Variants in NUP188 observed in about 807,000 individuals in gnomAD.
NUP188 encodes nucleoporin 188.
A neutral mutation model predicts 223.0 loss-of-function variants in NUP188; 97 were observed. The observed-to-expected ratio is 0.43, with a 90% CI of 0.37 to 0.51. The LOEUF is 0.51. Among genes scored for constraint, NUP188 ranks in the 20% least tolerant of loss-of-function variants. The pLI is 0.00. For missense variants in NUP188, 1,947 were observed against 2,175.6 expected, an observed-to-expected ratio of 0.89 and a Z score of 2.09; for synonymous variants, 869 against 828.0, an observed-to-expected ratio of 1.05 and a Z score of -0.85.
rs745541150 is a variant in NUP188, at chr9:129,003,305, C to T, written c.4297-12C>T. On this transcript the variant is annotated splice_polypyrimidine_tract_variant and intron_variant, in intron 37 of 43. Transcript: ENST00000372577. ...CATCCCCATCTTTCCCTGATGTGTGCTTTCCTCCCAGTGCCTCAACGCAGT... is the reference window on the plus strand; with the variant it reads ...CATCCCCATCTTTCCCTGATGTGTGTTTTCCTCCCAGTGCCTCAACGCAGT... 5.6e-6 allele frequency: 9 copies of T among 1,598,382 alleles called. No homozygotes were observed. In the South Asian group the frequency reaches 9.0e-5, roughly 16 times the overall value.
intron 41 of NUP188, 86 bp downstream of exon 41, chr9:129,005,862 C>A (rs1842785372): frequency 6.6e-7 from 1 of 1,510,758 alleles, no homozygotes; most frequent in Admixed American, 2.0e-5. Context: ...GCATGTTGGG[C>A]ATGGTACCTA....
At position 129,003,309 on chromosome 9, in the gene NUP188, C is replaced by T; in HGVS notation, c.4297-8C>T. 2.5e-6 allele frequency: 4 copies of T among 1,598,744 alleles called. No homozygotes were observed. The highest frequency in any genetic ancestry group is 1.1e-5 in the South Asian group (1 of 88,942). ...CCCATCTTTCCCTGATGTGTGCTTTCCTCCCAGTGCCTCAACGCAGTGAGG... is the reference window on the plus strand; with the variant it reads ...CCCATCTTTCCCTGATGTGTGCTTTTCTCCCAGTGCCTCAACGCAGTGAGG... On this transcript the variant is annotated splice_polypyrimidine_tract_variant and splice_region_variant and intron_variant, in intron 37 of 43. Coordinates refer to ENST00000372577, the MANE Select transcript of NUP188 (RefSeq NM_015354.3).
intron 27 of NUP188, 63 bp from the exon 28 acceptor site, chr9:128,994,310 G>A: frequency 9.0e-7 from 1 of 1,113,718 alleles, no homozygotes; most frequent in Admixed American, 1.7e-5. Context: ...GGGAGCTTGA[G>A]AGAGGAGAAA....
At chr9:128,971,029 T>C (rs191664889) in intron 11 of NUP188, 71 bp downstream of exon 11, 30 of 1,201,896 alleles carry the variant, frequency 2.5e-5, no homozygotes, top group African/African-American at 1.9e-4. Flanking sequence ...GTAATAGTTA[T>C]AATGGTGGTG....
chr9:128,982,030 T>TCG (rs2131166161), intron 15 of NUP188, among the ~76,000 whole-genome samples: 1 of 151,534 alleles, frequency 6.6e-6, no homozygotes, highest in African/African-American at 2.4e-5. Flanking sequence ...TGAGTTGAGA[T>TCG]CGCGCCATTG....
chr9:129,003,118 C>A, intron 37 of NUP188, 143 bp downstream of exon 37: 1 of 1,120,332 alleles, frequency 8.9e-7, no homozygotes, highest in Non-Finnish European at 1.3e-6. Context: ...TCTAAGTACT[C>A]TGCTGGCTCA....
In NUP188 at chr9:128,990,489, AG is replaced by A. The variant is rs1225187301; in HGVS notation, c.2640+265del. ...ATGCCTGTAATTCCAGCACTTTGGG[AG>A]GCTGAGGTGGGTAGATCACAAGGTC... On this transcript the variant is annotated intron_variant, in intron 25 of 43. Coordinates refer to ENST00000372577, the MANE Select transcript of NUP188 (RefSeq NM_015354.3). Among the ~76,000 whole-genome samples the A allele has an allele frequency of 3.9e-5, 6 of 152,130 alleles. No homozygotes were observed. The East Asian group carries it at 1.2e-3, about 29-fold the overall frequency.
intron 12 of NUP188, among the ~76,000 whole-genome samples, chr9:128,976,639 C>T (rs1003651053): frequency 6.6e-6 from 1 of 151,716 alleles, no homozygotes; most frequent in African/African-American, 2.4e-5. Context: ...ACATTGCACT[C>T]CAGCCTGGGC....
At position 128,984,368 on chromosome 9, in the gene NUP188, C is replaced by T. The variant is rs536870047; in HGVS notation, c.1962-532C>T. 3.5e-3 allele frequency among the ~76,000 whole-genome samples: 535 copies of T among 151,392 alleles called. 4 individuals are homozygous for T. Among genetic ancestry groups the T allele is most frequent in the South Asian group, 7.1e-3 (34 of 4,766 alleles). ...CTCGAACTCCTGACCTCAACTGATC[C>T]GCCTGCCTTGGCCTCCCAAAGTGCT... is the stretch of plus-strand genomic sequence containing the variant. On this transcript the variant is annotated intron_variant, in intron 19 of 43. Coordinates refer to ENST00000372577, the MANE Select transcript of NUP188 (RefSeq NM_015354.3).
chr9:128,979,326 C>T lies in NUP188; in HGVS notation c.1268C>T (p.Thr423Ile). The T allele has an allele frequency of 1.2e-6, 2 of 1,607,738 alleles. No individual in the cohort carries two copies. The highest frequency in any genetic ancestry group is 1.7e-6 in the Non-Finnish European group (2 of 1,174,888). The change falls in exon 13 of 44, where the codon ACA (threonine) becomes ATA (isoleucine). Residue 423 changes from threonine (T) to isoleucine (I), a missense_variant and splice_region_variant. By Grantham distance (89) the Thr-to-Ile change is moderately conservative. Coordinates refer to ENST00000372577, the MANE Select transcript of NUP188 (RefSeq NM_015354.3). ...TCTCTTCCGGAACTGTTCTGGGGAA[C>T]AGTAAGTATGTCAGAGAGAGTCACT... is the stretch of plus-strand genomic sequence containing the variant. ...DPSLPELFWGTEPTSGLGIIL... is the reference protein window; with the variant it reads ...DPSLPELFWGIEPTSGLGIIL...
chr9:128,956,605 A>C (rs1321637545), intron 4 of NUP188, among the ~76,000 whole-genome samples, 171 bp downstream of exon 4: 2 of 152,170 alleles, frequency 1.3e-5, no homozygotes, highest in African/African-American at 4.8e-5. Context: ...AAGTTGCCTG[A>C]TCCATTCACT....
Position 128,983,531 on chromosome 9 carries a change from A to G in NUP188, c.1942A>G (p.Ser648Gly), listed in dbSNP as rs1268642775. ...ACCATTTGTGGCCCATCCTGTCTCC[A>G]GCCTGAGTCAGATGATTAGGTGAGC... ...FLPFVAHPVS[S>G]LSQMISAEGM... The change falls in exon 19 of 44, where the codon AGC (serine) becomes GGC (glycine). Residue 648 changes from serine to glycine, a missense_variant. By Grantham distance (56) the Ser-to-Gly change is moderately conservative. Coordinates refer to ENST00000372577, the MANE Select transcript of NUP188 (RefSeq NM_015354.3). 3.1e-6 allele frequency: 5 copies of G among 1,613,902 alleles called. No individual in the cohort carries two copies. The East Asian group carries it at 1.1e-4, about 36-fold the overall frequency.
chr9:128,977,500 G>A (rs566003751), intron 12 of NUP188, among the ~76,000 whole-genome samples: 31 of 152,192 alleles, frequency 2.0e-4, no homozygotes, highest in African/African-American at 7.0e-4. Flanking sequence ...TAAGCGCTAA[G>A]GATAAAACAA....
At chr9:128,956,516 C>CAGTT (rs1425350165) in intron 4 of NUP188, 82 bp downstream of exon 4, 1 of 705,632 alleles carries the variant, frequency 1.4e-6, no homozygotes, top group Admixed American at 3.4e-5. Context: ...AGTGAAAATT[C>CAGTT]AGTTTCTTTT....
chr9:128,972,492 G>T (rs1261236159), intron 11 of NUP188, among the ~76,000 whole-genome samples: 1 of 152,176 alleles, frequency 6.6e-6, no homozygotes, highest in African/African-American at 2.4e-5. Flanking sequence ...GATTTTTAGG[G>T]CAGTGAAGCT....
Position 129,003,455 on chromosome 9 carries a change from G to T in NUP188, c.4434+1G>T. 1 of 1,609,334 alleles carries T rather than the reference G, an allele frequency of 6.2e-7. No homozygotes were observed. Among genetic ancestry groups the T allele is most frequent in the Non-Finnish European group, 8.5e-7 (1 of 1,179,944 alleles). ...GCCTCAGCTCATGCGTGATATCCAG[G>T]TGGGGGCCCAAGATGGTGTCTTGGA... is the stretch of plus-strand genomic sequence containing the variant. On this transcript the variant is annotated splice_donor_variant, in intron 38 of 43. Coordinates refer to ENST00000372577, the MANE Select transcript of NUP188 (RefSeq NM_015354.3). LOFTEE classifies it high-confidence loss of function.
chr9:128,959,063 A>G lies in NUP188; in HGVS notation c.514A>G (p.Lys172Glu). 1.2e-6 allele frequency: 2 copies of G among 1,601,826 alleles called. No homozygotes were observed. Among genetic ancestry groups the G allele is most frequent in the Admixed American group, 1.7e-5 (1 of 59,254 alleles). The change falls in exon 8 of 44, where the codon AAA becomes GAA. Residue 172 changes from lysine to glutamate, a missense_variant. This residue lies in a region of NUP188 where 817 missense variants were observed against 865.8 expected (regional missense o/e 0.94). Coordinates refer to ENST00000372577, the MANE Select transcript of NUP188 (RefSeq NM_015354.3). ...TAAATTGGAGAAGGAACTAGTTTCA[A>G]AATACAGACAGCAGTTCGAAGAGCT... ...VDKLEKELVS[K>E]YRQQFEELYK...
Position 128,980,618 on chromosome 9 carries a change from G to A in NUP188, c.1282G>A (p.Gly428Ser). The change falls in exon 14 of 44, where the codon GGC becomes AGC. Residue 428 changes from glycine to serine, a missense_variant. Around this residue, in one of 3 missense-constraint regions of NUP188, gnomAD observed 817 missense variants for 865.8 expected, o/e 0.94. Transcript: ENST00000372577. ...ELFWGTEPTS[G>S]LGIILDSVCG... ...CCTTCCACCACAGGAGCCAACTTCT[G>A]GCCTTGGGATCATTCTGGACAGTGT... 6.2e-7 allele frequency: 1 copy of A among 1,612,774 alleles called. No homozygotes were observed. The highest frequency in any genetic ancestry group is 8.5e-7 in the Non-Finnish European group (1 of 1,179,352).
Position 128,949,192 on chromosome 9 carries a change from C to G in NUP188, c.36C>G (p.Ser12Arg), listed in dbSNP as rs1177234897. The G allele has an allele frequency of 1.9e-6, 3 of 1,611,446 alleles. No individual in the cohort carries two copies. Among genetic ancestry groups the G allele is most frequent in the Non-Finnish European group, 2.5e-6 (3 of 1,177,966 alleles). ...AAAAGGPCVR[S>R]SRELWTILLG... Reference sequence around the variant, plus strand: ...CCTCTGTTCTCTCATTTTGCAGGAGCAGTAGAGAACTGTGGACTATTCTGC... The same window carrying G: ...CCTCTGTTCTCTCATTTTGCAGGAGGAGTAGAGAACTGTGGACTATTCTGC... The change falls in exon 2 of 44, where the codon AGC becomes AGG. Residue 12 changes from serine (S) to arginine (R), a missense_variant. Around this residue, in one of 3 missense-constraint regions of NUP188, gnomAD observed 817 missense variants for 865.8 expected, o/e 0.94. Transcript: ENST00000372577.
Sources: allele counts gnomAD v4.1 joint callset (sites outside exome capture counted in the v4.1 genomes callset), GRCh38; gene constraint gnomAD v4.1.1; regional missense constraint gnomAD v4.1.1; transcripts MANE v1.5; gene names NCBI Gene and HGNC (gene_info 2026-07-23, HGNC 2026-07-21).